DLGAP2: variants seen among roughly 807,000 people sequenced by gnomAD.
DLGAP2 encodes DLG associated protein 2, also known as disks large-associated protein 2.
Under a neutral mutation model 100.3 loss-of-function variants are expected in DLGAP2, and 26 were observed. The ratio of observed to expected loss-of-function variants is 0.26; its 90% CI spans 0.19 to 0.36. The LOEUF (loss-of-function observed/expected upper bound fraction) is 0.36. DLGAP2 is among the 10% of genes least tolerant of loss of function. DLGAP2 has a pLI of 1.00. For synonymous variants in DLGAP2, 886 were observed against 630.1 expected (o/e 1.41, Z -6.08); for missense variants, 1,858 against 1,453.2 (o/e 1.28, Z -4.53).
At chr8:973,746 G>A (rs1357382458) in intron 2 of DLGAP2, among the ~76,000 whole-genome samples, 1 of 152,192 alleles carries the variant, frequency 6.6e-6, no homozygotes, top group Non-Finnish European at 1.5e-5. Context: ...GGAGATCATG[G>A]AGGGAAGGCA....
chr8:1,364,762 G>A (rs1051496291), intron 3 of DLGAP2, among the ~76,000 whole-genome samples: 1 of 152,248 alleles, frequency 6.6e-6, no homozygotes, highest in South Asian at 2.1e-4. Flanking sequence ...TTGAACGAAG[G>A]ACGAGAGGGC....
rs1215976148 is a variant in DLGAP2, at chr8:1,549,482, C to T, written c.1029C>T (p.Ser343=). The T allele has an allele frequency of 1.2e-6, 2 of 1,613,424 alleles. No homozygotes were observed. The highest frequency in any genetic ancestry group is 1.3e-5 in the African/African-American group (1 of 74,954). The change falls in exon 5 of 15, where the codon TCC becomes TCT. Residue 343 remains serine (S), a synonymous_variant. Coordinates refer to ENST00000637795, the MANE Select transcript of DLGAP2 (RefSeq NM_001346810.2). The stretch of plus-strand genomic sequence containing the variant: ...TCGGGGACCTGTCCCTCAAGACCTC[C>T]AAGAGCAACAACGACGTCAAGTGCT... The part of the protein sequence containing the change: ...SPFGDLSLKT[S]KSNNDVKCSA...
chr8:1,318,643 G>A (rs750465922), intron 3 of DLGAP2, among the ~76,000 whole-genome samples: 4 of 151,754 alleles, frequency 2.6e-5, no homozygotes, highest in Non-Finnish European at 5.9e-5. Flanking sequence ...ACGAAAATGG[G>A]ATCTGTGGCT....
At chr8:1,168,377 A>G (rs1797061397) in intron 2 of DLGAP2, among the ~76,000 whole-genome samples, 2 of 152,040 alleles carry the variant, frequency 1.3e-5, no homozygotes, top group African/African-American at 2.4e-5. Context: ...CATGATTTAT[A>G]GTCCTTTGGT....
chr8:1,254,545 C>G (rs4976869), intron 2 of DLGAP2, among the ~76,000 whole-genome samples: 3,984 of 152,272 alleles, frequency 0.026, 117 homozygotes, highest in South Asian at 0.075. Context: ...ATTGGCAGCA[C>G]TGACTTTTTG....
chr8:871,878 T>C (rs1302682078), intron 1 of DLGAP2, among the ~76,000 whole-genome samples: 1 of 152,216 alleles, frequency 6.6e-6, no homozygotes, highest in Non-Finnish European at 1.5e-5. Context: ...GTAATTCTTA[T>C]TAATATTTCT....
chr8:882,895 T>C (rs1218796903), intron 1 of DLGAP2, among the ~76,000 whole-genome samples: 3 of 152,238 alleles, frequency 2.0e-5, no homozygotes, highest in Non-Finnish European at 2.9e-5. Context: ...CGACGTTGTT[T>C]TGTTGGGTCG....
At chr8:1,430,013 T>TATGTATATATATATATATATAC (rs1797374016) in intron 3 of DLGAP2, among the ~76,000 whole-genome samples, 7 of 76,080 alleles carry the variant, frequency 9.2e-5, no homozygotes, top group African/African-American at 3.4e-4. Flanking sequence ...TATACATATA[T>TATGTATATATATATATATATAC]ATATATATAT....
chr8:1,184,128 T>A (rs1797449421), intron 2 of DLGAP2, among the ~76,000 whole-genome samples: 1 of 152,246 alleles, frequency 6.6e-6, no homozygotes, highest in South Asian at 2.1e-4. Flanking sequence ...TTAAAGCCAC[T>A]TGATGTCTCC....
intron 3 of DLGAP2, among the ~76,000 whole-genome samples, chr8:1,296,718 G>A (rs1020566967): frequency 7.2e-5 from 11 of 152,228 alleles, no homozygotes; most frequent in East Asian, 3.8e-4. Context: ...CACTTAAAGC[G>A]TCAAAGGCTC....
chr8:1,370,629 G>A lies in DLGAP2; in HGVS notation c.106+111746G>A, dbSNP rs189545255. On this transcript the variant is annotated intron_variant, in intron 3 of 14. Transcript: ENST00000637795. ...CTCTGGTTGCTACAGGGAGCACGGG[G>A]AGCTGTCACACCCAATGAGGATTAG... is the stretch of plus-strand genomic sequence containing the variant. Among the ~76,000 whole-genome samples, 143 of 152,302 alleles carry A rather than the reference G, an allele frequency of 9.4e-4. 2 individuals are homozygous for A. Among genetic ancestry groups the A allele is most frequent in the Admixed American group, 2.1e-3 (32 of 15,298 alleles).
At chr8:1,456,027 C>T (rs1341076062) in intron 3 of DLGAP2, among the ~76,000 whole-genome samples, 1 of 152,152 alleles carries the variant, frequency 6.6e-6, no homozygotes, top group African/African-American at 2.4e-5. Flanking sequence ...GCCCGATGGC[C>T]GCTCGCTGAT....
At position 1,565,671 on chromosome 8, in the gene DLGAP2, G is replaced by C. The variant is rs377735485; in HGVS notation, c.1231-12G>C. ...CAAAGTTGATGCGTGTTTCATGTCT[G>C]TCTGCTCCCAGGTACCTCAGGATGA... On this transcript the variant is annotated splice_polypyrimidine_tract_variant and intron_variant, in intron 5 of 14. Transcript: ENST00000637795. The C allele has an allele frequency of 1.2e-6, 2 of 1,605,128 alleles. No individual in the cohort carries two copies. The highest frequency in any genetic ancestry group is 1.7e-4 in the Middle Eastern group (1 of 6,034).
intron 8 of DLGAP2, among the ~76,000 whole-genome samples, chr8:1,658,497 T>A (rs1444577211): frequency 1.3e-5 from 2 of 152,224 alleles, no homozygotes; most frequent in African/African-American, 4.8e-5. Flanking sequence ...GTTGGTAGGC[T>A]ATTAATTACT....
intron 3 of DLGAP2, among the ~76,000 whole-genome samples, chr8:1,324,316 A>T (rs957388529): frequency 7.9e-5 from 12 of 152,242 alleles, no homozygotes; most frequent in Non-Finnish European, 1.6e-4. Flanking sequence ...CAGAGAGCAC[A>T]TTCCTATCCT....
chr8:789,006 TG>T (rs1821953057), intron 1 of DLGAP2, among the ~76,000 whole-genome samples: 1 of 152,184 alleles, frequency 6.6e-6, no homozygotes, highest in Admixed American at 6.5e-5. Context: ...TGTGGGGAAG[TG>T]ACTGTTCAAG....
intron 3 of DLGAP2, among the ~76,000 whole-genome samples, chr8:1,334,789 C>T (rs1036622316): frequency 1.1e-4 from 16 of 152,168 alleles, no homozygotes; most frequent in African/African-American, 3.9e-4. Flanking sequence ...ATGGTAAATA[C>T]ATGATACATG....
At chr8:1,568,055 C>T (rs56682191) in intron 6 of DLGAP2, among the ~76,000 whole-genome samples, 3,581 of 151,828 alleles carry the variant, frequency 0.024, 88 homozygotes, top group African/African-American at 0.074. Flanking sequence ...TGCCCATGGC[C>T]CCCATGCCAC....
chr8:947,638 C>T (rs757654966), intron 2 of DLGAP2, among the ~76,000 whole-genome samples: 13 of 152,190 alleles, frequency 8.5e-5, no homozygotes, highest in Non-Finnish European at 8.8e-5. Context: ...ACCACCTCCA[C>T]GCGCGGCGCT....
Sources: gnomAD v4.1 joint callset for allele counts (sites outside exome capture counted in the v4.1 genomes callset) on GRCh38, gnomAD v4.1.1 for gene constraint, MANE v1.5 for transcripts, NCBI Gene and HGNC (gene_info 2026-07-23, HGNC 2026-07-21) for gene names.